The following CDC42BPA variants were observed in gnomAD, a reference collection of about 807,000 sequenced individuals.
CDC42BPA encodes CDC42 binding protein kinase alpha, also known as serine/threonine-protein kinase MRCK alpha.
A neutral mutation model predicts 223.5 loss-of-function variants in CDC42BPA; 80 were observed. That is an observed-to-expected ratio of 0.36 (90% CI 0.30 to 0.43). CDC42BPA has a LOEUF of 0.43. CDC42BPA is among the 20% of genes least tolerant of loss of function. The pLI is 1.00. For synonymous variants in CDC42BPA, 694 were observed against 718.6 expected (o/e 0.97, Z 0.55); for missense variants, 1,743 against 2,099.9 (o/e 0.83, Z 3.32).
chr1:227,088,365 A>G (rs1008674866), intron 16 of CDC42BPA, among the ~76,000 whole-genome samples: 1 of 152,198 alleles, frequency 6.6e-6, no homozygotes, highest in Non-Finnish European at 1.5e-5. Context: ...ACATTGACAC[A>G]TTTGACTTAT....
At chr1:227,010,945 G>A in intron 34 of CDC42BPA, 2 of 1,365,056 alleles carry the variant, frequency 1.5e-6, no homozygotes, top group African/African-American at 2.9e-5. Flanking sequence ...AGGGTTTATG[G>A]AATCAGGAGA....
intron 23 of CDC42BPA, among the ~76,000 whole-genome samples, chr1:227,046,025 C>T (rs1025647223): frequency 3.3e-5 from 5 of 152,054 alleles, no homozygotes; most frequent in Admixed American, 1.3e-4. Flanking sequence ...AGGTAGGTCT[C>T]GAACTCCTGG....
intron 1 of CDC42BPA, among the ~76,000 whole-genome samples, chr1:227,296,005 G>C (rs1690579502): frequency 6.6e-6 from 1 of 152,184 alleles, no homozygotes; most frequent in South Asian, 2.1e-4. Flanking sequence ...CTTTTCTGCA[G>C]AAATGGAAAA....
intron 5 of CDC42BPA, among the ~76,000 whole-genome samples, chr1:227,177,487 G>A (rs1019827540): frequency 6.6e-6 from 1 of 151,782 alleles, no homozygotes; most frequent in Non-Finnish European, 1.5e-5. Flanking sequence ...TTCCCTGTAT[G>A]TGATATACTG....
At chr1:227,200,434 A>AAC (rs1413841783) in intron 3 of CDC42BPA, among the ~76,000 whole-genome samples, 141 of 55,794 alleles carry the variant, frequency 2.5e-3, no homozygotes, top group Middle Eastern at 0.022. Context: ...TTGCCTTAAA[A>AAC]AACAAACAAA....
intron 23 of CDC42BPA, among the ~76,000 whole-genome samples, chr1:227,045,423 C>T (rs79544965): frequency 0.096 from 14,669 of 152,200 alleles, 869 homozygotes; most frequent in Middle Eastern, 0.16. Flanking sequence ...TGAAAACTCA[C>T]ACAATGATGT....
intron 22 of CDC42BPA, among the ~76,000 whole-genome samples, chr1:227,050,265 C>G (rs1384732380): frequency 6.6e-6 from 1 of 151,940 alleles, no homozygotes; most frequent in Admixed American, 6.6e-5. Context: ...AGATGTAATA[C>G]AAAAATGACA....
rs1187846598 is a variant in CDC42BPA at position 227,148,772 on chromosome 1, C to CAAAAAAGAAAAAAAA, written c.694-1214_694-1213insTTTTTTTTCTTTTTT. Among the ~76,000 whole-genome samples, 141 of 78,786 alleles carry CAAAAAAGAAAAAAAA rather than the reference C, an allele frequency of 1.8e-3. 2 individuals are homozygous for CAAAAAAGAAAAAAAA. The highest frequency in any genetic ancestry group is 0.013 in the Middle Eastern group (1 of 76). 51.7% of individuals were successfully genotyped at this position (78,786 alleles called of 152,430 possible). On this transcript the variant is annotated intron_variant, in intron 6 of 36. Coordinates refer to ENST00000366766, the MANE Select transcript of CDC42BPA (RefSeq NM_001394014.1). ...ACAGAGCAAGACTCGGTCTCAAAAGCAAAAAAAAAAAAAAAAAAAAAAAAA... is the reference window on the plus strand; with the variant it reads ...ACAGAGCAAGACTCGGTCTCAAAAGCAAAAAAGAAAAAAAAAAAAAAAAAAAAAAAAAAAAAAAAA...
chr1:227,095,869 G>A (rs1683896231), intron 15 of CDC42BPA, among the ~76,000 whole-genome samples: 1 of 152,158 alleles, frequency 6.6e-6, no homozygotes, highest in Admixed American at 6.5e-5. Context: ...TCAGATTACA[G>A]GCATGGGCCA....
intron 11 of CDC42BPA, among the ~76,000 whole-genome samples, chr1:227,123,084 C>A (rs184898337): frequency 7.9e-5 from 12 of 152,314 alleles, no homozygotes; most frequent in Non-Finnish European, 1.5e-4. Context: ...TGGCAGATCA[C>A]CTTAGGCCAG....
At chr1:227,310,502 T>C (rs866048377) in intron 1 of CDC42BPA, among the ~76,000 whole-genome samples, 9 of 152,030 alleles carry the variant, frequency 5.9e-5, no homozygotes, top group Non-Finnish European at 1.2e-4. Flanking sequence ...CATACAGTGA[T>C]AGATAAAGAA....
At chr1:227,291,305 T>C (rs1689651741) in intron 1 of CDC42BPA, among the ~76,000 whole-genome samples, 1 of 152,050 alleles carries the variant, frequency 6.6e-6, no homozygotes, top group African/African-American at 2.4e-5. Flanking sequence ...TCCCAGCAGT[T>C]TGGGAGGCCG....
chr1:227,013,058 A>C (rs532696599), intron 34 of CDC42BPA, among the ~76,000 whole-genome samples: 7 of 152,286 alleles, frequency 4.6e-5, no homozygotes, highest in African/African-American at 1.7e-4. Context: ...CAGACAGATA[A>C]AATCTTTGAT....
At chr1:227,148,854 AAG>A (rs530255822) in intron 6 of CDC42BPA, among the ~76,000 whole-genome samples, 2 of 151,464 alleles carry the variant, frequency 1.3e-5, no homozygotes, top group African/African-American at 2.4e-5. Flanking sequence ...CTTTTTTACA[AAG>A]AGAGATTCTT....
intron 16 of CDC42BPA, among the ~76,000 whole-genome samples, chr1:227,082,074 C>T (rs978194814): frequency 1.3e-5 from 2 of 152,094 alleles, no homozygotes; most frequent in Non-Finnish European, 2.9e-5. Flanking sequence ...GTCACCCAGG[C>T]TGGAGTGCAG....
At chr1:227,240,313 C>G (rs796913571) in intron 2 of CDC42BPA, among the ~76,000 whole-genome samples, 3 of 152,120 alleles carry the variant, frequency 2.0e-5, no homozygotes, top group African/African-American at 7.2e-5. Flanking sequence ...GCTTCAGAGA[C>G]TAACAGACTC....
At chr1:227,017,084 T>C (rs1262323518) in intron 32 of CDC42BPA, 34 bp from the exon 33 acceptor site, 27 of 1,586,148 alleles carry the variant, frequency 1.7e-5, no homozygotes, top group Non-Finnish European at 2.3e-5. Context: ...ATAATGATGT[T>C]CTTTAAACTG....
Position 227,029,062 on chromosome 1 carries a change from T to C in CDC42BPA, c.4027A>G (p.Lys1343Glu). The change falls in exon 30 of 37, where the codon AAG (lysine) becomes GAG (glutamate). Residue 1343 changes from lysine to glutamate, a missense_variant. This residue lies in a region of CDC42BPA where 678 missense variants were observed against 777.5 expected (regional missense o/e 0.87). Coordinates refer to ENST00000366766, the MANE Select transcript of CDC42BPA (RefSeq NM_001394014.1). ...CATGTGAGAGCTCCATGGCGCACCTTTCCAGAAGTTACGGTTTGACACCCT... is the reference window on the plus strand; with the variant it reads ...CATGTGAGAGCTCCATGGCGCACCTCTCCAGAAGTTACGGTTTGACACCCT... ...TKGCQTVTSG[K>E]VRHGALTCLC... 2 of 1,614,100 alleles carry C rather than the reference T, an allele frequency of 1.2e-6. No individual in the cohort carries two copies. The highest frequency in any genetic ancestry group is 1.7e-6 in the Non-Finnish European group (2 of 1,180,032).
intron 11 of CDC42BPA, among the ~76,000 whole-genome samples, chr1:227,122,585 A>G (rs1474462955): frequency 1.3e-5 from 2 of 152,226 alleles, no homozygotes; most frequent in African/African-American, 4.8e-5. Context: ...TCCCTGTTTT[A>G]TACTTCAGTC....
Sources: allele counts gnomAD v4.1 joint callset (sites outside exome capture counted in the v4.1 genomes callset), GRCh38; gene constraint gnomAD v4.1.1; regional missense constraint gnomAD v4.1.1; transcripts MANE v1.5; gene names NCBI Gene and HGNC (gene_info 2026-07-23, HGNC 2026-07-21).